Variants in UBALD1 observed in about 807,000 individuals in gnomAD.
The protein encoded by UBALD1 is UBA like domain containing 1.
A neutral mutation model predicts 16.1 loss-of-function variants in UBALD1; 5 were observed. That is an observed-to-expected ratio of 0.31 (90% CI 0.16 to 0.66). UBALD1 has a LOEUF of 0.66. Ranked by LOEUF, UBALD1 falls within the 30% of genes least tolerant of loss-of-function variation. The pLI is 0.77. For synonymous variants in UBALD1, 146 were observed against 105.3 expected, an observed-to-expected ratio of 1.39 and a Z score of -2.37; for missense variants, 220 against 252.8, an observed-to-expected ratio of 0.87 and a Z score of 0.88.
intron 1 of UBALD1, chr16:4,614,412 G>GA (rs1555442403): frequency 6.6e-5 from 19 of 288,416 alleles, no homozygotes; most frequent in Non-Finnish European, 8.6e-5. Context: ...CAAAAGGGGT[G>GA]GGGGGGGTCC....
chr16:4,614,530 G>C, intron 1 of UBALD1, 148 bp downstream of exon 1: 1 of 1,270,660 alleles, frequency 7.9e-7, no homozygotes, highest in Non-Finnish European at 1.0e-6. Context: ...CGGACGCCGG[G>C]CACCGCCGTC....
At chr16:4,610,865 G>A (rs1596546741) in intron 1 of UBALD1, 2 of 445,904 alleles carry the variant, frequency 4.5e-6, no homozygotes, top group Non-Finnish European at 4.0e-6. Flanking sequence ...CACCATGACT[G>A]GGGGAGGGCG....
chr16:4,614,546 A>T, intron 1 of UBALD1, 132 bp downstream of exon 1: 1 of 1,313,122 alleles, frequency 7.6e-7, no homozygotes, highest in Non-Finnish European at 9.9e-7. Context: ...CCGTCGGGAA[A>T]GCGGGTCGGG....
rs552080501 is a variant in UBALD1, at chr16:4,612,811, A to G, written c.120+1867T>C. ...GCCTGAAGTCCCGTCACCTTCCTCC[A>G]GCCTCCCTGGCGGCCCCCACTTTAC... is the stretch of plus-strand genomic sequence containing the variant. On this transcript the variant is annotated intron_variant, in intron 1 of 2. Transcript: ENST00000283474. Among the ~76,000 whole-genome samples the G allele has an allele frequency of 2.6e-5, 4 of 152,170 alleles. No homozygotes were observed. The South Asian group carries it at 8.3e-4, about 32-fold the overall frequency.
In UBALD1 at chr16:4,614,734, C is replaced by T; in HGVS notation, c.64G>A (p.Gly22Ser). Residue 22 changes from glycine (G) to serine (S), a missense_variant, in exon 1 of 3, where the codon GGC becomes AGC. Coordinates refer to ENST00000283474, the MANE Select transcript of UBALD1 (RefSeq NM_145253.3). ...TGCTTCGCCTGGTCGGCCGCGCAGC[C>T]CGCCGTCAGCACGAACTGGTTGATC... ...VMINQFVLTAGCAADQAKQLL... is the reference protein window; with the variant it reads ...VMINQFVLTASCAADQAKQLL... The T allele has an allele frequency of 6.4e-7, 1 of 1,560,390 alleles. No individual in the cohort carries two copies. Among genetic ancestry groups the T allele is most frequent in the Non-Finnish European group, 8.7e-7 (1 of 1,155,968 alleles).
chr16:4,610,640 G>C (rs1199805579), intron 1 of UBALD1, 85 bp from the exon 2 acceptor site: 2 of 1,486,130 alleles, frequency 1.3e-6, no homozygotes, highest in Non-Finnish European at 1.8e-6. Flanking sequence ...CTGAGGCTGG[G>C]GATGACCCTG....
At chr16:4,612,406 A>C (rs781588516) in intron 1 of UBALD1, among the ~76,000 whole-genome samples, 1 of 152,074 alleles carries the variant, frequency 6.6e-6, no homozygotes, top group Non-Finnish European at 1.5e-5. Flanking sequence ...AATTTCCTGC[A>C]GGAGACACCC....
intron 1 of UBALD1, among the ~76,000 whole-genome samples, chr16:4,612,225 G>A (rs1456040520): frequency 1.3e-5 from 2 of 151,968 alleles, no homozygotes; most frequent in African/African-American, 4.8e-5. Context: ...CACCACACCT[G>A]GCTAACTTTT....
At chr16:4,612,431 T>C (rs554941668) in intron 1 of UBALD1, among the ~76,000 whole-genome samples, 1 of 152,074 alleles carries the variant, frequency 6.6e-6, no homozygotes, top group Non-Finnish European at 1.5e-5. Flanking sequence ...TGGGTGTCCC[T>C]AAACAGGGGT....
intron 1 of UBALD1, chr16:4,610,959 T>C: frequency 2.5e-6 from 1 of 394,654 alleles, no homozygotes; most frequent in Admixed American, 4.3e-5. Flanking sequence ...TTTCAGGAGA[T>C]TCTAGCCTGG....
chr16:4,613,835 C>A (rs971714493), intron 1 of UBALD1: 33 of 152,636 alleles, frequency 2.2e-4, no homozygotes, highest in African/African-American at 7.0e-4. Context: ...AGCATCACCT[C>A]CTACCCAGCT....
Position 4,609,573 on chromosome 16 carries a change from G to T in UBALD1, c.*60C>A, listed in dbSNP as rs1897330840. 4.0e-6 allele frequency: 3 copies of T among 746,950 alleles called. No homozygotes were observed. Among genetic ancestry groups the T allele is most frequent in the Non-Finnish European group, 3.9e-6 (2 of 513,322 alleles). 46.3% of individuals were successfully genotyped at this position (746,950 alleles called of 1,614,324 possible). A position where few individuals can be genotyped will look rare whatever the true frequency, so the allele number is the denominator to read the frequency against. ...AGAAAAGGGGTGAAGGGGGCCCGCA[G>T]AGACGTCCTCTCCCCCGCCCCACGG... On this transcript the variant is annotated 3_prime_UTR_variant, in exon 3 of 3. Transcript: ENST00000283474.
At chr16:4,610,145 G>C in intron 2 of UBALD1, 162 bp from the exon 3 acceptor site, 1 of 749,494 alleles carries the variant, frequency 1.3e-6, no homozygotes, top group Non-Finnish European at 2.3e-6. Flanking sequence ...CAGAGGAGAA[G>C]CCTTGAGATG....
At position 4,609,474 on chromosome 16, in the gene UBALD1, G is replaced by A; in HGVS notation, c.*159C>T. 1 of 413,120 alleles carries A rather than the reference G, an allele frequency of 2.4e-6. No homozygotes were observed. Among genetic ancestry groups the A allele is most frequent in the Non-Finnish European group, 4.2e-6 (1 of 237,048 alleles). 25.6% of individuals were successfully genotyped at this position (413,120 alleles called of 1,614,324 possible). The stretch of plus-strand genomic sequence containing the variant: ...TGCGTGTGGGCAGCTGCGTGTTCTG[G>A]CACCAGACGTGTCCCTGCCTGGCTA... On this transcript the variant is annotated 3_prime_UTR_variant, in exon 3 of 3. Coordinates refer to ENST00000283474, the MANE Select transcript of UBALD1 (RefSeq NM_145253.3).
At chr16:4,612,294 CCT>C (rs1897368164) in intron 1 of UBALD1, among the ~76,000 whole-genome samples, 1 of 152,086 alleles carries the variant, frequency 6.6e-6, no homozygotes, top group African/African-American at 2.4e-5. Flanking sequence ...GATCTCTTGA[CCT>C]CATGATCCGC....
At chr16:4,610,278 A>G (rs1370031082) in intron 2 of UBALD1, 14 of 715,626 alleles carry the variant, frequency 2.0e-5, no homozygotes, top group Non-Finnish European at 3.5e-5. Context: ...TCATTGCCCC[A>G]GAGGCCAGCG....
At chr16:4,610,432 C>A in intron 2 of UBALD1, 61 bp downstream of exon 2, 2 of 1,535,144 alleles carry the variant, frequency 1.3e-6, no homozygotes, top group Non-Finnish European at 8.8e-7. Flanking sequence ...GCTGCTTATA[C>A]ACAGAACTAG....
intron 1 of UBALD1, among the ~76,000 whole-genome samples, chr16:4,613,255 A>T (rs568527248): frequency 4.3e-4 from 66 of 152,310 alleles, no homozygotes; most frequent in African/African-American, 1.6e-3. Flanking sequence ...GCCTTGGGGC[A>T]CAGGGGGCAG....
rs1897329703 is a variant in UBALD1 at position 4,609,487 on chromosome 16, C to T, written c.*146G>A. ...CTGCGTGTTCTGGCACCAGACGTGTCCCTGCCTGGCTAGAGTCCGCGCTCT... is the reference window on the plus strand; with the variant it reads ...CTGCGTGTTCTGGCACCAGACGTGTTCCTGCCTGGCTAGAGTCCGCGCTCT... On this transcript the variant is annotated 3_prime_UTR_variant, in exon 3 of 3. Coordinates refer to ENST00000283474, the MANE Select transcript of UBALD1 (RefSeq NM_145253.3). 1 of 420,332 alleles carries T rather than the reference C, an allele frequency of 2.4e-6. No homozygotes were observed. 26.0% of individuals were successfully genotyped at this position (420,332 alleles called of 1,614,324 possible).
Sources: gnomAD v4.1 joint callset for allele counts (sites outside exome capture counted in the v4.1 genomes callset) on GRCh38, gnomAD v4.1.1 for gene constraint, MANE v1.5 for transcripts, NCBI Gene and HGNC (gene_info 2026-07-23, HGNC 2026-07-21) for gene names.